The following NELL1 variants were observed in gnomAD, a reference collection of about 807,000 sequenced individuals.
NELL1 encodes the protein neural EGFL like 1, also known as protein kinase C-binding protein NELL1.
A neutral mutation model predicts 107.4 loss-of-function variants in NELL1; 76 were observed. That is an observed-to-expected ratio of 0.71 (90% CI 0.59 to 0.86). NELL1 has a LOEUF of 0.86. Ranked by LOEUF, NELL1 falls within the 40% of genes least tolerant of loss-of-function variation. The probability of loss-of-function intolerance (pLI) is 0.00; values close to 1 mark genes in which losing one functional copy is unlikely to be tolerated. For synonymous variants in NELL1, 353 were observed against 341.2 expected, an observed-to-expected ratio of 1.03 and a Z score of -0.38; for missense variants, 1,024 against 1,005.5, an observed-to-expected ratio of 1.02 and a Z score of -0.25.
At chr11:21,166,471 G>A (rs2133806671) in intron 13 of NELL1, among the ~76,000 whole-genome samples, 1 of 151,888 alleles carries the variant, frequency 6.6e-6, no homozygotes, top group Non-Finnish European at 1.5e-5. Context: ...TGGATTGTTT[G>A]AAACACAAAG....
intron 13 of NELL1, among the ~76,000 whole-genome samples, chr11:21,213,862 A>G (rs1035557526): frequency 5.9e-5 from 9 of 152,326 alleles, no homozygotes; most frequent in African/African-American, 1.7e-4. Flanking sequence ...TTTAAATGTA[A>G]AAATATAAAA....
intron 13 of NELL1, among the ~76,000 whole-genome samples, chr11:21,166,359 T>A (rs1263805697): frequency 6.6e-6 from 1 of 150,876 alleles, no homozygotes; most frequent in East Asian, 1.9e-4. Flanking sequence ...AAAAAATAAT[T>A]TACATTTACA....
chr11:20,703,798 A>G (rs999446250), intron 2 of NELL1, among the ~76,000 whole-genome samples: 1 of 152,152 alleles, frequency 6.6e-6, no homozygotes, highest in Non-Finnish European at 1.5e-5. Context: ...TTCAGTTTCC[A>G]TGTAGTTGAG....
At chr11:21,130,948 G>A (rs1368093149) in intron 13 of NELL1, among the ~76,000 whole-genome samples, 1 of 152,102 alleles carries the variant, frequency 6.6e-6, no homozygotes, top group Non-Finnish European at 1.5e-5. Context: ...TTAGTGGGCT[G>A]TGCAGCTTTT....
chr11:21,014,412 G>C (rs955418854), intron 12 of NELL1, among the ~76,000 whole-genome samples: 1 of 152,094 alleles, frequency 6.6e-6, no homozygotes. Flanking sequence ...TTCTAAGACA[G>C]CTTAATGAAG....
chr11:20,726,508 A>C (rs1405979790), intron 2 of NELL1, among the ~76,000 whole-genome samples: 1 of 152,110 alleles, frequency 6.6e-6, no homozygotes, highest in African/African-American at 2.4e-5. Context: ...ACTTTACACA[A>C]GTTGAACCCC....
chr11:21,267,640 A>G (rs543242470), intron 14 of NELL1, among the ~76,000 whole-genome samples: 6 of 151,972 alleles, frequency 3.9e-5, no homozygotes, highest in Admixed American at 2.0e-4. Context: ...TATGAATGTC[A>G]TTCACATCTG....
At chr11:21,494,875 T>C (rs1854936472) in intron 15 of NELL1, among the ~76,000 whole-genome samples, 1 of 152,050 alleles carries the variant, frequency 6.6e-6, no homozygotes, top group Admixed American at 6.6e-5. Flanking sequence ...CCATCATACA[T>C]CAATATTTAT....
At chr11:21,367,330 G>A (rs1040038377) in intron 14 of NELL1, among the ~76,000 whole-genome samples, 1 of 151,460 alleles carries the variant, frequency 6.6e-6, no homozygotes, top group Non-Finnish European at 1.5e-5. Context: ...TTCAGAATCT[G>A]GGTAGCAGTT....
chr11:21,075,225 C>A (rs1052179646), intron 12 of NELL1, among the ~76,000 whole-genome samples: 2 of 152,106 alleles, frequency 1.3e-5, no homozygotes, highest in African/African-American at 4.8e-5. Flanking sequence ...GAATTTAGTA[C>A]CTTTTAAATC....
chr11:20,674,572 G>T, intron 1 of NELL1: 1 of 1,511,940 alleles, frequency 6.6e-7, no homozygotes, highest in Non-Finnish European at 8.9e-7. Flanking sequence ...CCTTCAGGGA[G>T]GCAGGTATTA....
chr11:20,688,501 T>G (rs1854366086), intron 2 of NELL1, among the ~76,000 whole-genome samples: 1 of 152,168 alleles, frequency 6.6e-6, no homozygotes, highest in African/African-American at 2.4e-5. Context: ...GTTTCTGCAT[T>G]AATTTGCTTA....
intron 12 of NELL1, among the ~76,000 whole-genome samples, chr11:21,082,886 G>T (rs532484561): frequency 2.0e-5 from 3 of 152,298 alleles, no homozygotes; most frequent in East Asian, 3.9e-4. Context: ...GTGCTAGGTA[G>T]AAATTAAATT....
intron 16 of NELL1, among the ~76,000 whole-genome samples, chr11:21,542,775 C>T (rs948322997): frequency 2.0e-5 from 3 of 151,888 alleles, no homozygotes; most frequent in African/African-American, 7.3e-5. Flanking sequence ...TGCACTGCCT[C>T]TTAAAAGCAA....
rs567621511 is a variant in NELL1, at chr11:21,115,229, G to T, written c.1426+1515G>T. Among the ~76,000 whole-genome samples, 52 of 152,104 alleles carry T rather than the reference G, an allele frequency of 3.4e-4. No homozygotes were observed. In the South Asian group the frequency reaches 1.0e-2, roughly 29 times the overall value. ...TTACTTTTAGAAAGGGAACTATGTG[G>T]TTTGGAATAAAAGGTAACAGTGTGG... On this transcript the variant is annotated intron_variant, in intron 13 of 19. Coordinates refer to ENST00000357134, the MANE Select transcript of NELL1 (RefSeq NM_006157.5).
intron 7 of NELL1, among the ~76,000 whole-genome samples, chr11:20,926,872 C>T (rs1255050866): frequency 6.6e-6 from 1 of 152,110 alleles, no homozygotes; most frequent in Non-Finnish European, 1.5e-5. Context: ...AGTTTGTAAA[C>T]CACGACATTC....
At chr11:20,812,330 T>C (rs1000075539) in intron 3 of NELL1, among the ~76,000 whole-genome samples, 2 of 152,196 alleles carry the variant, frequency 1.3e-5, no homozygotes, top group African/African-American at 4.8e-5. Context: ...ACTGTTGCAC[T>C]CTCTTTGACA....
At chr11:21,332,234 G>A (rs7952262) in intron 14 of NELL1, among the ~76,000 whole-genome samples, 23,117 of 151,844 alleles carry the variant, frequency 0.15, 1,893 homozygotes, top group East Asian at 0.25. Context: ...ACTGCTTTGC[G>A]TTCAAAGGTC....
intron 16 of NELL1, among the ~76,000 whole-genome samples, chr11:21,553,227 G>T (rs1371713637): frequency 1.3e-5 from 2 of 151,786 alleles, no homozygotes; most frequent in African/African-American, 4.8e-5. Context: ...GTTAGTTTTG[G>T]TTTTCACCTT....
Sources: gnomAD v4.1 joint callset for allele counts (sites outside exome capture counted in the v4.1 genomes callset) on GRCh38, gnomAD v4.1.1 for gene constraint, MANE v1.5 for transcripts, NCBI Gene and HGNC (gene_info 2026-07-23, HGNC 2026-07-21) for gene names.